CDK7: variants seen among roughly 807,000 people sequenced by gnomAD.
The protein encoded by CDK7 is cyclin-dependent kinase 7.
A neutral mutation model predicts 49.1 loss-of-function variants in CDK7; 25 were observed. The ratio of observed to expected loss-of-function variants is 0.51; its 90% CI spans 0.37 to 0.71. The LOEUF is 0.71. Among genes scored for constraint, CDK7 ranks in the 30% least tolerant of loss-of-function variants. The probability of loss-of-function intolerance (pLI) is 0.00; values close to 1 mark genes in which losing one functional copy is unlikely to be tolerated. For synonymous variants in CDK7, 107 were observed against 140.0 expected (o/e 0.76, Z 1.67); for missense variants, 316 against 411.7 (o/e 0.77, Z 2.01).
chr5:69,273,032 G>A lies in CDK7; in HGVS notation c.855G>A (p.Thr285=), dbSNP rs765690827. ...LFLFNPCARI[T]ATQALKMKYF... ...TATTTAATCCATGTGCTCGAATTAC[G>A]GCCACACAGGTATTTTGGTGTATCT... Residue 285 remains threonine (T), a synonymous_variant, in exon 10 of 12, where the codon ACG becomes ACA. Transcript: ENST00000256443. 11 of 1,534,734 alleles carry A rather than the reference G, an allele frequency of 7.2e-6. No homozygotes were observed. The highest frequency in any genetic ancestry group is 1.7e-4 in the Middle Eastern group (1 of 5,796).
intron 10 of CDK7, among the ~76,000 whole-genome samples, chr5:69,274,896 A>C (rs1751953865): frequency 6.6e-6 from 1 of 152,122 alleles, no homozygotes; most frequent in South Asian, 2.1e-4. Flanking sequence ...GATTACAGGC[A>C]TGAGCCACCC....
At position 69,272,769 on chromosome 5, in the gene CDK7, A is replaced by C. The variant is rs190132487; in HGVS notation, c.715-123A>C. 13 of 520,640 alleles carry C rather than the reference A, an allele frequency of 2.5e-5. No individual in the cohort carries two copies. In the East Asian group the frequency reaches 3.5e-4, roughly 14 times the overall value. The allele number at this position is 520,640 out of a possible 1,614,324, so 32.3% of individuals were successfully genotyped here. A position where few individuals can be genotyped will look rare whatever the true frequency, so the allele number is the denominator to read the frequency against. The stretch of plus-strand genomic sequence containing the variant: ...GCCTTGTCTTACTACTAGTTCTAGG[A>C]CTTTTTAATAGATTTCTTGGAATTT... On this transcript the variant is annotated intron_variant, in intron 9 of 11. Transcript: ENST00000256443.
At chr5:69,238,784 A>G (rs1334624166) in intron 2 of CDK7, among the ~76,000 whole-genome samples, 2 of 151,252 alleles carry the variant, frequency 1.3e-5, no homozygotes, top group Middle Eastern at 3.4e-3. Flanking sequence ...CAGCCTCTCA[A>G]CTGCTGACCT....
At position 69,266,479 on chromosome 5, in the gene CDK7, C is replaced by T. The variant is rs937000374; in HGVS notation, c.628-2728C>T. Among the ~76,000 whole-genome samples the T allele has an allele frequency of 2.0e-5, 3 of 152,106 alleles. No individual in the cohort carries two copies. The East Asian group carries it at 5.8e-4, about 29-fold the overall frequency. ...TGGTGGGCGCCTGTAATCCCAGCTA[C>T]TCGGGAAGGTGAGGTGCTTAAACCC... On this transcript the variant is annotated intron_variant, in intron 8 of 11. Coordinates refer to ENST00000256443, the MANE Select transcript of CDK7 (RefSeq NM_001799.4).
At chr5:69,269,414 A>G (rs925181844) in intron 9 of CDK7, 121 bp downstream of exon 9, 8 of 605,224 alleles carry the variant, frequency 1.3e-5, no homozygotes, top group Non-Finnish European at 2.0e-5. Context: ...ATATGTACTC[A>G]GAACACTTTA....
intron 2 of CDK7, among the ~76,000 whole-genome samples, chr5:69,251,682 C>A (rs1160327022): frequency 6.6e-6 from 1 of 151,976 alleles, no homozygotes; most frequent in African/African-American, 2.4e-5. Context: ...AGGCACGTGC[C>A]ACCACTCCTG....
intron 6 of CDK7, among the ~76,000 whole-genome samples, chr5:69,258,375 CATTT>C (rs1419133396): frequency 2.4e-5 from 3 of 127,620 alleles, no homozygotes; most frequent in Admixed American, 1.8e-4. Context: ...TCCAGTCCCT[CATTT>C]TTTTTTTTTT....
In CDK7 at chr5:69,254,004, G is replaced by A. The variant is rs567708728; in HGVS notation, c.161-598G>A. ...GGTCCCAGCTACTCGGGAGGCTGAGGTGGGAAAATTACTTGAGTCTGGGAG... is the reference window on the plus strand; with the variant it reads ...GGTCCCAGCTACTCGGGAGGCTGAGATGGGAAAATTACTTGAGTCTGGGAG... On this transcript the variant is annotated intron_variant, in intron 3 of 11. Coordinates refer to ENST00000256443, the MANE Select transcript of CDK7 (RefSeq NM_001799.4). Among the ~76,000 whole-genome samples the A allele has an allele frequency of 3.9e-4, 59 of 152,276 alleles. 2 individuals are homozygous for A. The South Asian group carries it at 0.012, about 30-fold the overall frequency.
At chr5:69,263,957 A>G (rs1246655730) in intron 8 of CDK7, among the ~76,000 whole-genome samples, 1 of 152,240 alleles carries the variant, frequency 6.6e-6, no homozygotes, top group Non-Finnish European at 1.5e-5. Context: ...TGCAGACTAA[A>G]GAATTGTACT....
intron 2 of CDK7, 88 bp downstream of exon 2, chr5:69,235,541 A>G (rs943316146): frequency 3.5e-6 from 3 of 863,312 alleles, no homozygotes; most frequent in African/African-American, 3.4e-5. Flanking sequence ...AGTCTTGACC[A>G]TACTCTGATA....
At chr5:69,268,299 A>G (rs918107663) in intron 8 of CDK7, among the ~76,000 whole-genome samples, 5 of 151,760 alleles carry the variant, frequency 3.3e-5, no homozygotes, top group African/African-American at 1.2e-4. Flanking sequence ...ACTGCTTACC[A>G]CCTCCACCTA....
At chr5:69,236,412 TGCTGAA>T (rs749963781) in intron 2 of CDK7, among the ~76,000 whole-genome samples, 1 of 152,180 alleles carries the variant, frequency 6.6e-6, no homozygotes, top group Non-Finnish European at 1.5e-5. Context: ...AGCTAGTGAT[TGCTGAA>T]GCTGGGATTT....
intron 10 of CDK7, 110 bp from the exon 11 acceptor site, chr5:69,276,433 G>A: frequency 1.1e-6 from 1 of 880,272 alleles, no homozygotes; most frequent in Non-Finnish European, 1.8e-6. Context: ...TTGGGAATGA[G>A]GGCATTCACA....
intron 9 of CDK7, among the ~76,000 whole-genome samples, chr5:69,272,353 C>G (rs1027503830): frequency 2.0e-5 from 3 of 152,064 alleles, no homozygotes; most frequent in African/African-American, 7.2e-5. Context: ...TTTTCAAAAT[C>G]ATTTTAGCTA....
At chr5:69,270,678 T>C (rs758296189) in intron 9 of CDK7, among the ~76,000 whole-genome samples, 3 of 152,218 alleles carry the variant, frequency 2.0e-5, no homozygotes, top group Admixed American at 6.6e-5. Context: ...CTCTGTAATT[T>C]TGTCATTTCA....
intron 5 of CDK7, among the ~76,000 whole-genome samples, chr5:69,256,339 TTTTG>T (rs371163585): frequency 5.3e-5 from 8 of 152,040 alleles, no homozygotes; most frequent in South Asian, 2.1e-4. Context: ...AGCCAAGTTT[TTTTG>T]TTTGTTTTTG....
At chr5:69,266,387 G>A (rs13182409) in intron 8 of CDK7, among the ~76,000 whole-genome samples, 42,607 of 151,956 alleles carry the variant, frequency 0.28, 6,571 homozygotes, top group East Asian at 0.41. Context: ...TCAGGAGTTC[G>A]AGACCAGCCT....
intron 8 of CDK7, 57 bp from the exon 9 acceptor site, chr5:69,269,149 GA>G: frequency 8.8e-7 from 1 of 1,136,910 alleles, no homozygotes; most frequent in East Asian, 2.4e-5. Flanking sequence ...TCTAAAAAAA[GA>G]AAAAAATTAA....
chr5:69,250,781 CTG>C (rs1178221770), intron 2 of CDK7: 14 of 456,666 alleles, frequency 3.1e-5, no homozygotes, highest in Non-Finnish European at 6.2e-5. Context: ...TGTGAATGTG[CTG>C]TGTCATACCT....
Sources: gnomAD v4.1 joint callset for allele counts (sites outside exome capture counted in the v4.1 genomes callset) on GRCh38, gnomAD v4.1.1 for gene constraint, MANE v1.5 for transcripts, NCBI Gene and HGNC (gene_info 2026-07-23, HGNC 2026-07-21) for gene names.